NALCN: variants seen among roughly 807,000 people sequenced by gnomAD.
NALCN encodes sodium leak channel NALCN.
A neutral mutation model predicts 225.3 loss-of-function variants in NALCN; 111 were observed. The observed-to-expected ratio is 0.49, with a 90% CI of 0.42 to 0.58. NALCN has a LOEUF of 0.58. Ranked by LOEUF, NALCN falls within the 20% of genes least tolerant of loss-of-function variation. NALCN has a pLI of 0.00. For missense variants in NALCN, 1,378 were observed against 2,202.4 expected, an observed-to-expected ratio of 0.63 and a Z score of 7.49; for synonymous variants, 764 against 769.0, an observed-to-expected ratio of 0.99 and a Z score of 0.11.
At chr13:101,189,197 G>A (rs1386493064) in intron 14 of NALCN, among the ~76,000 whole-genome samples, 1 of 152,076 alleles carries the variant, frequency 6.6e-6, no homozygotes, top group African/African-American at 2.4e-5. Context: ...AGTGAAATAT[G>A]TTCTAAAAAT....
chr13:101,407,590 A>T (rs2139542301), intron 1 of NALCN, among the ~76,000 whole-genome samples: 1 of 152,360 alleles, frequency 6.6e-6, no homozygotes, highest in East Asian at 1.9e-4. Flanking sequence ...CATGCCAGGC[A>T]CTATTCTAAG....
chr13:101,406,796 T>C (rs1055588864), intron 1 of NALCN, among the ~76,000 whole-genome samples: 1 of 152,322 alleles, frequency 6.6e-6, no homozygotes, highest in Admixed American at 6.5e-5. Context: ...TATACCTTCA[T>C]TATTTTTTTC....
At chr13:101,339,185 G>A (rs79595927) in intron 7 of NALCN, among the ~76,000 whole-genome samples, 1,697 of 152,322 alleles carry the variant, frequency 0.011, 32 homozygotes, top group African/African-American at 0.038. Context: ...GTGATTTTGT[G>A]TCACTTCGAC....
intron 37 of NALCN, 110 bp from the exon 38 acceptor site, chr13:101,068,937 C>T: frequency 1.6e-6 from 2 of 1,214,748 alleles, no homozygotes; most frequent in Non-Finnish European, 2.2e-6. Context: ...ATATAATTAA[C>T]TTCAAAGTAA....
In NALCN at chr13:101,345,377, A is replaced by G. The variant is rs753720528; in HGVS notation, c.688T>C (p.Ser230Pro). The G allele has an allele frequency of 2.5e-6, 4 of 1,613,640 alleles. No individual in the cohort carries two copies. In the African/African-American group the frequency reaches 5.3e-5, roughly 22 times the overall value. The change falls in exon 7 of 44, where the codon TCA (serine) becomes CCA (proline). Residue 230 changes from serine to proline, a missense_variant. Transcript: ENST00000251127. Reference sequence around the variant, plus strand: ...TGGTAGCCTTCTTCTAGCTCTGGTGAGCAGTGTGTGTCTGGAATAGCTAAA... The same window carrying G: ...TGGTAGCCTTCTTCTAGCTCTGGTGGGCAGTGTGTGTCTGGAATAGCTAAA... ...NSLAIPDTHC[S>P]PELEEGYQCP...
chr13:101,415,633 G>A (rs2047921801), intron 1 of NALCN, among the ~76,000 whole-genome samples: 1 of 152,200 alleles, frequency 6.6e-6, no homozygotes, highest in Non-Finnish European at 1.5e-5. Context: ...GTGACAAAAT[G>A]GTGTTGCTTG....
chr13:101,081,690 G>T (rs774876861), intron 33 of NALCN, 44 bp from the exon 34 acceptor site: 3 of 1,601,108 alleles, frequency 1.9e-6, no homozygotes, highest in Non-Finnish European at 1.7e-6. Flanking sequence ...AGAGTGTTTA[G>T]TACATATTTA....
At chr13:101,258,983 G>A (rs1291353043) in intron 10 of NALCN, among the ~76,000 whole-genome samples, 1 of 152,144 alleles carries the variant, frequency 6.6e-6, no homozygotes, top group Non-Finnish European at 1.5e-5. Flanking sequence ...AAATATTTTA[G>A]AGATGATTAT....
chr13:101,096,067 T>C (rs1448588537), intron 27 of NALCN, among the ~76,000 whole-genome samples: 1 of 151,960 alleles, frequency 6.6e-6, no homozygotes, highest in Non-Finnish European at 1.5e-5. Flanking sequence ...ACAACAAGCA[T>C]TGGCGAGGAT....
chr13:101,297,109 C>T (rs2043784558), intron 7 of NALCN, among the ~76,000 whole-genome samples: 2 of 152,272 alleles, frequency 1.3e-5, no homozygotes, highest in African/African-American at 4.8e-5. Context: ...TGGGAGTACT[C>T]CCATTTGTTT....
At chr13:101,280,165 A>C (rs1201435897) in intron 10 of NALCN, among the ~76,000 whole-genome samples, 2 of 152,142 alleles carry the variant, frequency 1.3e-5, no homozygotes, top group African/African-American at 2.4e-5. Context: ...TGGCCATCCC[A>C]CTTTTCTTCC....
At chr13:101,139,649 C>T (rs1171805427) in intron 17 of NALCN, among the ~76,000 whole-genome samples, 1 of 151,714 alleles carries the variant, frequency 6.6e-6, no homozygotes, top group East Asian at 1.9e-4. Flanking sequence ...TGTCACTTTA[C>T]TGTGACTAGG....
At chr13:101,072,966 A>G (rs1446562127) in intron 37 of NALCN, among the ~76,000 whole-genome samples, 2 of 152,168 alleles carry the variant, frequency 1.3e-5, no homozygotes, top group Non-Finnish European at 2.9e-5. Context: ...TGAGAAAGAG[A>G]TAAAATAAAT....
chr13:101,237,733 A>T, intron 12 of NALCN, 22 bp downstream of exon 12: 1 of 1,525,204 alleles, frequency 6.6e-7, no homozygotes, highest in Non-Finnish European at 8.8e-7. Flanking sequence ...TTCTAAAGAC[A>T]AATAGGCATT....
intron 6 of NALCN, among the ~76,000 whole-genome samples, chr13:101,358,038 G>A (rs185260384): frequency 2.0e-5 from 3 of 152,168 alleles, no homozygotes; most frequent in African/African-American, 7.2e-5. Context: ...AAATCGAGAT[G>A]GATTAAAGAC....
At chr13:101,188,423 C>T (rs550802496) in intron 14 of NALCN, among the ~76,000 whole-genome samples, 1 of 152,134 alleles carries the variant, frequency 6.6e-6, no homozygotes, top group East Asian at 1.9e-4. Context: ...ATTACCAGAC[C>T]ACTCCCCTAG....
At chr13:101,304,088 C>T (rs1290623406) in intron 7 of NALCN, among the ~76,000 whole-genome samples, 2 of 152,038 alleles carry the variant, frequency 1.3e-5, no homozygotes, top group African/African-American at 2.4e-5. Context: ...TGTAGGTGTT[C>T]GTCTTACAAA....
At chr13:101,162,699 G>T (rs190903736) in intron 15 of NALCN, among the ~76,000 whole-genome samples, 2 of 152,178 alleles carry the variant, frequency 1.3e-5, no homozygotes, top group African/African-American at 2.4e-5. Context: ...AAAGTGCTGC[G>T]AGGTTGCTCT....
chr13:101,203,272 A>G (rs778268217), intron 13 of NALCN, among the ~76,000 whole-genome samples: 27 of 152,128 alleles, frequency 1.8e-4, no homozygotes, highest in Admixed American at 6.5e-5. Flanking sequence ...CTGGAGTGCA[A>G]TGGCACGATC....
Sources: gnomAD v4.1 joint callset for allele counts (sites outside exome capture counted in the v4.1 genomes callset) on GRCh38, gnomAD v4.1.1 for gene constraint, MANE v1.5 for transcripts, NCBI Gene and HGNC (gene_info 2026-07-23, HGNC 2026-07-21) for gene names.